RNF10: variants seen among roughly 807,000 people sequenced by gnomAD.
The protein encoded by RNF10 is E3 ubiquitin-protein ligase RNF10.
Under a neutral mutation model 91.4 loss-of-function variants are expected in RNF10, and 38 were observed. The observed-to-expected ratio is 0.42, with a 90% CI of 0.32 to 0.54. The LOEUF is 0.54. Ranked by LOEUF, RNF10 falls within the 20% of genes least tolerant of loss-of-function variation. The pLI is 0.16. For synonymous variants in RNF10, 364 were observed against 366.3 expected, an observed-to-expected ratio of 0.99 and a Z score of 0.07; for missense variants, 945 against 1,012.0, an observed-to-expected ratio of 0.93 and a Z score of 0.90.
At chr12:120,553,271 A>T (rs527636897) in intron 3 of RNF10, among the ~76,000 whole-genome samples, 104 of 149,462 alleles carry the variant, frequency 7.0e-4, no homozygotes, top group Non-Finnish European at 1.1e-3. Context: ...TTTATTTTTG[A>T]TAGAGACGGG....
At chr12:120,562,117 T>C (rs1874918559) in intron 7 of RNF10, among the ~76,000 whole-genome samples, 1 of 152,006 alleles carries the variant, frequency 6.6e-6, no homozygotes, top group Non-Finnish European at 1.5e-5. Context: ...TAGTACCCAT[T>C]GGTTATTTTT....
Position 120,552,570 on chromosome 12 carries a change from C to T in RNF10, c.426C>T (p.His142=). The part of the protein sequence containing the change: ...FSGPKKINLN[H]LLNFTFEPRG... ...GTCCTAAGAAGATCAACCTGAACCACTTGTTGAATTTCACTTTTGAACCCC... is the reference window on the plus strand; with the variant it reads ...GTCCTAAGAAGATCAACCTGAACCATTTGTTGAATTTCACTTTTGAACCCC... Residue 142 remains histidine (H), a synonymous_variant, in exon 3 of 17, where the codon CAC becomes CAT. Transcript: ENST00000325954. The T allele has an allele frequency of 6.2e-7, 1 of 1,614,188 alleles. No individual in the cohort carries two copies. The highest frequency in any genetic ancestry group is 8.5e-7 in the Non-Finnish European group (1 of 1,180,024).
intron 6 of RNF10, among the ~76,000 whole-genome samples, chr12:120,558,667 T>G (rs1874374825): frequency 6.6e-6 from 1 of 151,056 alleles, no homozygotes. Context: ...CTCCCGGGTT[T>G]GAGCGATTCT....
chr12:120,562,864 GC>G, intron 7 of RNF10, 80 bp from the exon 8 acceptor site: 1 of 1,570,910 alleles, frequency 6.4e-7, no homozygotes, highest in Non-Finnish European at 8.7e-7. Context: ...CTGTTGAGAG[GC>G]CATTCTAAGC....
chr12:120,571,852 C>T (rs954988711), intron 14 of RNF10, among the ~76,000 whole-genome samples: 6 of 152,056 alleles, frequency 3.9e-5, no homozygotes, highest in Non-Finnish European at 8.8e-5. Flanking sequence ...TGCACCTAGC[C>T]AAAGCAGCTT....
At chr12:120,556,254 G>T (rs1323065334) in intron 4 of RNF10, among the ~76,000 whole-genome samples, 13 of 151,308 alleles carry the variant, frequency 8.6e-5, no homozygotes, top group Non-Finnish European at 4.4e-5. Context: ...TTGAACTCTC[G>T]CCGGGCGCGG....
At chr12:120,559,954 C>T (rs1280462354) in intron 6 of RNF10, among the ~76,000 whole-genome samples, 2 of 151,948 alleles carry the variant, frequency 1.3e-5, no homozygotes, top group East Asian at 3.9e-4. Context: ...GCCTCAGCCT[C>T]CCAAAGTGCT....
intron 2 of RNF10, among the ~76,000 whole-genome samples, chr12:120,547,639 C>T (rs1173321159): frequency 6.6e-6 from 1 of 152,054 alleles, no homozygotes; most frequent in African/African-American, 2.4e-5. Context: ...GAAGGAATAG[C>T]ACATGCAAGG....
Position 120,563,839 on chromosome 12 carries a change from C to T in RNF10, c.1561C>T (p.Pro521Ser), listed in dbSNP as rs758443878. Residue 521 changes from proline (P) to serine (S), a missense_variant, in exon 10 of 17, where the codon CCT becomes TCT. By Grantham distance (74) the Pro-to-Ser change is moderately conservative (BLOSUM62 -1). Coordinates refer to ENST00000325954, the MANE Select transcript of RNF10 (RefSeq NM_014868.5). ...AGATGGACAGCATATGTTCCTGCAC[C>T]CTGTGAATGTGCGCTGCCTCGTGCG... Reference protein sequence around the residue: ...AEDGQHMFLHPVNVRCLVREY... With the variant: ...AEDGQHMFLHSVNVRCLVREY... The T allele has an allele frequency of 6.2e-7, 1 of 1,613,982 alleles. No individual in the cohort carries two copies. Among genetic ancestry groups the T allele is most frequent in the Admixed American group, 1.7e-5 (1 of 59,974 alleles).
chr12:120,551,025 G>A (rs1010959880), intron 2 of RNF10, among the ~76,000 whole-genome samples: 29 of 152,002 alleles, frequency 1.9e-4, no homozygotes, highest in African/African-American at 5.1e-4. Flanking sequence ...TTGTGGTGTC[G>A]CCCAGGCTGG....
rs543369122 is a variant in RNF10, at chr12:120,546,613, G to C, written c.354+12G>C. On this transcript the variant is annotated intron_variant, in intron 2 of 16. Coordinates refer to ENST00000325954, the MANE Select transcript of RNF10 (RefSeq NM_014868.5). ...GAAGACGAGATGAGGTATGGAATTT[G>C]AGAATGTCCTTTCTAGAGCATAAGC... 2.5e-6 allele frequency: 4 copies of C among 1,608,946 alleles called. No homozygotes were observed. The highest frequency in any genetic ancestry group is 3.4e-6 in the Non-Finnish European group (4 of 1,177,472).
chr12:120,563,763 C>T lies in RNF10; in HGVS notation c.1532-47C>T, dbSNP rs543946083. ...GGCATGGGGAGGGGTGGGGAGCCTC[C>T]TGGGGACTGGCCAAGACTGGTGTGT... On this transcript the variant is annotated intron_variant, in intron 9 of 16. Coordinates refer to ENST00000325954, the MANE Select transcript of RNF10 (RefSeq NM_014868.5). 5 of 1,608,052 alleles carry T rather than the reference C, an allele frequency of 3.1e-6. No individual in the cohort carries two copies. In the African/African-American group the frequency reaches 5.3e-5, roughly 17 times the overall value.
intron 1 of RNF10, among the ~76,000 whole-genome samples, chr12:120,537,791 C>CT (rs1394302612): frequency 3.9e-5 from 6 of 152,036 alleles, no homozygotes; most frequent in Non-Finnish European, 8.8e-5. Context: ...GAAGGATGGG[C>CT]TTTGTAGCCA....
At chr12:120,564,916 C>G (rs186127980) in intron 10 of RNF10, among the ~76,000 whole-genome samples, 156 bp from the exon 11 acceptor site, 251 of 152,316 alleles carry the variant, frequency 1.6e-3, no homozygotes, top group African/African-American at 5.7e-3. Flanking sequence ...TTGACAGTTT[C>G]TCTTTGGCTT....
At chr12:120,551,894 TCA>T (rs1383209565) in intron 2 of RNF10, among the ~76,000 whole-genome samples, 2 of 152,184 alleles carry the variant, frequency 1.3e-5, no homozygotes, top group East Asian at 3.9e-4. Flanking sequence ...CTTAATTGAC[TCA>T]CAGTTCTGCA....
intron 1 of RNF10, chr12:120,539,244 G>A (rs946463423): frequency 3.4e-5 from 14 of 414,000 alleles, no homozygotes; most frequent in Non-Finnish European, 6.5e-5. Flanking sequence ...ATTTGTCCAA[G>A]TAAATTTTTA....
intron 14 of RNF10, 168 bp from the exon 15 acceptor site, chr12:120,575,463 G>C: frequency 2.9e-6 from 2 of 695,702 alleles, no homozygotes; most frequent in Non-Finnish European, 5.0e-6. Context: ...CATTAGCCAG[G>C]ATATAGAGGA....
chr12:120,562,720 C>T (rs1190461727), intron 7 of RNF10, among the ~76,000 whole-genome samples: 1 of 152,184 alleles, frequency 6.6e-6, no homozygotes, highest in Non-Finnish European at 1.5e-5. Flanking sequence ...TTACACTCCC[C>T]AGTGTCAGAT....
At chr12:120,575,437 G>A (rs1280386057) in intron 14 of RNF10, 194 bp from the exon 15 acceptor site, 6 of 616,952 alleles carry the variant, frequency 9.7e-6, no homozygotes, top group East Asian at 5.6e-5. Flanking sequence ...TACCTTGTGG[G>A]TTTCATTGCC....
Sources: gnomAD v4.1 joint callset for allele counts (sites outside exome capture counted in the v4.1 genomes callset) on GRCh38, gnomAD v4.1.1 for gene constraint, MANE v1.5 for transcripts, NCBI Gene and HGNC (gene_info 2026-07-23, HGNC 2026-07-21) for gene names.